Variants in CLIP2 observed in about 807,000 individuals in gnomAD.
CLIP2 encodes the protein CAP-Gly domain containing linker protein 2.
In CLIP2, 41 loss-of-function variants were observed where a neutral mutation model predicts 111.7. The observed-to-expected ratio is 0.37, with a 90% CI of 0.29 to 0.48. CLIP2 has a LOEUF of 0.48. Among genes scored for constraint, CLIP2 ranks in the 20% least tolerant of loss-of-function variants. The pLI, the probability that CLIP2 is intolerant of heterozygous loss-of-function variation, is 0.99. For synonymous variants in CLIP2, 660 were observed against 644.2 expected, an observed-to-expected ratio of 1.02 and a Z score of -0.37; for missense variants, 1,160 against 1,422.1, an observed-to-expected ratio of 0.82 and a Z score of 2.96.
Position 74,376,004 on chromosome 7 carries a change from G to C in CLIP2, c.1603G>C (p.Asp535His), listed in dbSNP as rs1308372936. The change falls in exon 10 of 17, where the codon GAC becomes CAC. Residue 535 changes from aspartate to histidine, a missense_variant. Coordinates refer to ENST00000223398, the MANE Select transcript of CLIP2 (RefSeq NM_003388.5). This position sits in a 1 kb window ranked among gnomAD's most constrained non-coding sequence, Gnocchi z 7.1. ...CLLHSGPPPP[D>H]HPDAAEILRL... is the part of the protein sequence containing the mutation. Reference sequence around the variant, plus strand: ...GTTGCACTCGGGTCCCCCACCTCCGGACCACCCAGACGCCGCCGAGATCCT... The same window carrying C: ...GTTGCACTCGGGTCCCCCACCTCCGCACCACCCAGACGCCGCCGAGATCCT... 6.2e-7 allele frequency: 1 copy of C among 1,612,178 alleles called. No homozygotes were observed. The highest frequency in any genetic ancestry group is 8.5e-7 in the Non-Finnish European group (1 of 1,179,744).
intron 1 of CLIP2, among the ~76,000 whole-genome samples, chr7:74,297,456 G>C (rs1394463648): frequency 6.6e-6 from 1 of 151,938 alleles, no homozygotes; most frequent in Non-Finnish European, 1.5e-5. Flanking sequence ...CAGCCTGGGG[G>C]ACAGAGCAAG....
At chr7:74,291,620 T>A (rs1464237989) in intron 1 of CLIP2, among the ~76,000 whole-genome samples, 1 of 152,232 alleles carries the variant, frequency 6.6e-6, no homozygotes, top group Non-Finnish European at 1.5e-5. Flanking sequence ...GTGTTGTTGC[T>A]GCCGTACAGA....
chr7:74,335,613 T>C (rs1789426604), intron 2 of CLIP2, among the ~76,000 whole-genome samples: 1 of 151,488 alleles, frequency 6.6e-6, no homozygotes, highest in African/African-American at 2.4e-5. Context: ...GTGCTGGGAT[T>C]ACAGGTGTGA....
chr7:74,311,796 T>C (rs1554728533), intron 1 of CLIP2, among the ~76,000 whole-genome samples: 1 of 150,912 alleles, frequency 6.6e-6, no homozygotes, highest in Non-Finnish European at 1.5e-5. Flanking sequence ...CCTGTAGTCC[T>C]AGCTATCCAG....
chr7:74,356,714 C>T, intron 5 of CLIP2, 91 bp downstream of exon 5: 2 of 1,210,626 alleles, frequency 1.7e-6, no homozygotes, highest in Non-Finnish European at 2.4e-6. Flanking sequence ...CTGCCCCTGA[C>T]TTACTCTAGT....
intron 7 of CLIP2, among the ~76,000 whole-genome samples, chr7:74,360,915 A>G (rs897278512): frequency 5.3e-5 from 8 of 152,084 alleles, no homozygotes; most frequent in African/African-American, 1.4e-4. Flanking sequence ...GAGAAGAGGA[A>G]TAGGCTGGGG....
intron 2 of CLIP2, among the ~76,000 whole-genome samples, chr7:74,334,210 T>C (rs1388425861): frequency 1.3e-5 from 2 of 152,168 alleles, no homozygotes; most frequent in Non-Finnish European, 2.9e-5. Context: ...AAGCTGAAAA[T>C]GTCTCAGCGT....
At chr7:74,402,466 G>A (rs918958662) in intron 16 of CLIP2, among the ~76,000 whole-genome samples, 4 of 151,922 alleles carry the variant, frequency 2.6e-5, no homozygotes, top group Admixed American at 1.3e-4. Flanking sequence ...GCAGTGAGCC[G>A]AGATCGCACC....
chr7:74,396,114 C>T (rs559844744), intron 13 of CLIP2, among the ~76,000 whole-genome samples: 1 of 152,312 alleles, frequency 6.6e-6, no homozygotes, highest in Admixed American at 6.5e-5. Flanking sequence ...CCTGCCTATG[C>T]CCATGGCAGG....
chr7:74,319,309 C>T (rs565310278), intron 2 of CLIP2, among the ~76,000 whole-genome samples: 10 of 151,936 alleles, frequency 6.6e-5, no homozygotes, highest in Admixed American at 5.9e-4. Context: ...GTCAGGAGTT[C>T]GAGACCAGCC....
At chr7:74,299,198 G>A (rs2116452528) in intron 1 of CLIP2, among the ~76,000 whole-genome samples, 1 of 152,134 alleles carries the variant, frequency 6.6e-6, no homozygotes, top group East Asian at 1.9e-4. Context: ...CAGGTACAGT[G>A]TCTATAATCC....
intron 13 of CLIP2, among the ~76,000 whole-genome samples, chr7:74,395,738 G>C (rs1554316548): frequency 6.6e-6 from 1 of 152,170 alleles, no homozygotes; most frequent in African/African-American, 2.4e-5. Context: ...GATGGAGGTG[G>C]GAGATCAGCT....
At chr7:74,360,712 G>A (rs994322572) in intron 7 of CLIP2, among the ~76,000 whole-genome samples, 1 of 151,968 alleles carries the variant, frequency 6.6e-6, no homozygotes, top group Admixed American at 6.6e-5. Context: ...CACCACGCCT[G>A]GTTAATTTTT....
intron 9 of CLIP2, among the ~76,000 whole-genome samples, chr7:74,373,653 C>T (rs1250230730): frequency 6.6e-6 from 1 of 152,076 alleles, no homozygotes; most frequent in African/African-American, 2.4e-5. Flanking sequence ...CCCCAGTCTC[C>T]CCGATGCATT....
At chr7:74,346,354 T>C (rs563042331) in intron 3 of CLIP2, among the ~76,000 whole-genome samples, 24 of 152,126 alleles carry the variant, frequency 1.6e-4, no homozygotes, top group Non-Finnish European at 2.9e-4. Flanking sequence ...CCGGAAACCC[T>C]AGATGTTCAG....
intron 3 of CLIP2, 135 bp downstream of exon 3, chr7:74,339,139 G>A (rs1789578613): frequency 1.4e-6 from 1 of 737,314 alleles, no homozygotes; most frequent in African/African-American, 1.8e-5. Context: ...TCCAGCCTGG[G>A]ACACCCATTC....
chr7:74,315,503 C>G (rs1272670455), intron 1 of CLIP2, among the ~76,000 whole-genome samples: 2 of 152,096 alleles, frequency 1.3e-5, no homozygotes, highest in South Asian at 2.1e-4. Context: ...CCTTGGCCCC[C>G]CAAAGTGCTG....
chr7:74,358,425 C>T (rs1390708138), intron 6 of CLIP2, among the ~76,000 whole-genome samples: 3 of 151,986 alleles, frequency 2.0e-5, no homozygotes, highest in African/African-American at 7.2e-5. Context: ...TGGTCTCGAA[C>T]TCCTGGCCTC....
chr7:74,403,945 T>G lies in CLIP2; in HGVS notation c.*97T>G. On this transcript the variant is annotated 3_prime_UTR_variant, in exon 17 of 17. Coordinates refer to ENST00000223398, the MANE Select transcript of CLIP2 (RefSeq NM_003388.5). The stretch of plus-strand genomic sequence containing the variant: ...CAGGCAGGAGCCGGGACTGTCACTT[T>G]GGAGACAAAACAGTGTTTGTAACAA... The G allele has an allele frequency of 7.5e-7, 1 of 1,333,030 alleles. No individual in the cohort carries two copies. The allele number at this position is 1,333,030 out of a possible 1,614,324, so 82.6% of individuals were successfully genotyped here.
Sources: gnomAD v4.1 joint callset for allele counts (sites outside exome capture counted in the v4.1 genomes callset) on GRCh38, gnomAD v4.1.1 for gene constraint, Gnocchi (gnomAD v3.1) non-coding constraint, MANE v1.5 for transcripts, NCBI Gene and HGNC (gene_info 2026-07-23, HGNC 2026-07-21) for gene names.